Variants in SPMIP4 observed in about 807,000 individuals in gnomAD.
SPMIP4 encodes sperm microtubule inner protein 4.
the SPMIP4 span, among the ~76,000 whole-genome samples, chr7:25,177,483 T>C: frequency 6.8e-6 from 1 of 147,828 alleles, no homozygotes; most frequent in Non-Finnish European, 1.5e-5. Context: ...CTCCGTCTAA[T>C]AAAAAAAAAA....
chr7:25,126,940 A>G, the SPMIP4 span, among the ~76,000 whole-genome samples: 1 of 152,288 alleles, frequency 6.6e-6, no homozygotes, highest in Non-Finnish European at 1.5e-5. Context: ...CATCTGAAGG[A>G]TATTTTCACT....
the SPMIP4 span, among the ~76,000 whole-genome samples, chr7:25,169,397 T>C: frequency 6.6e-6 from 1 of 152,116 alleles, no homozygotes; most frequent in East Asian, 1.9e-4. Flanking sequence ...CCTCACTCTT[T>C]CCCTCGGCAA....
At chr7:25,138,141 T>TA in the SPMIP4 span, among the ~76,000 whole-genome samples, 2 of 152,028 alleles carry the variant, frequency 1.3e-5, no homozygotes, top group African/African-American at 2.4e-5. This position sits in a 1 kb window ranked among gnomAD's most constrained non-coding sequence, Gnocchi z 6.2. Flanking sequence ...GATAATCTTT[T>TA]AAAAAAATTC....
the SPMIP4 span, among the ~76,000 whole-genome samples, chr7:25,167,991 G>T: frequency 6.6e-6 from 1 of 152,052 alleles, no homozygotes; most frequent in Non-Finnish European, 1.5e-5. Context: ...TACAGATTAG[G>T]CCAGGTCTTT....
At chr7:25,177,555 G>C in the SPMIP4 span, among the ~76,000 whole-genome samples, 4 of 152,100 alleles carry the variant, frequency 2.6e-5, no homozygotes, top group African/African-American at 9.7e-5. Flanking sequence ...CACTGTCCAG[G>C]TGTTTTGAGG....
the SPMIP4 span, chr7:25,142,952 G>A: frequency 1.9e-6 from 1 of 529,120 alleles, no homozygotes; most frequent in Non-Finnish European, 3.3e-6. Flanking sequence ...TTAATTACTA[G>A]TTAATTACTA....
the SPMIP4 span, chr7:25,154,987 T>A: frequency 6.3e-7 from 1 of 1,594,060 alleles, no homozygotes; most frequent in Non-Finnish European, 8.6e-7. Flanking sequence ...ATTAATACAG[T>A]TCTGATTCCA....
the SPMIP4 span, among the ~76,000 whole-genome samples, chr7:25,145,152 C>T: frequency 5.9e-5 from 9 of 151,896 alleles, no homozygotes; most frequent in South Asian, 2.1e-4. Flanking sequence ...TAGTAGAGAC[C>T]GGGTTTCACC....
chr7:25,150,120 T>G, the SPMIP4 span, among the ~76,000 whole-genome samples: 1 of 152,160 alleles, frequency 6.6e-6, no homozygotes, highest in Admixed American at 6.5e-5. Context: ...GGGCAGATCC[T>G]GAGGGGTCTC....
At chr7:25,166,403 C>T in the SPMIP4 span, among the ~76,000 whole-genome samples, 450 of 151,788 alleles carry the variant, frequency 3.0e-3, 1 homozygote, top group African/African-American at 0.01. Flanking sequence ...CTGGCTAACA[C>T]GGTGAAACCC....
the SPMIP4 span, chr7:25,180,337 G>T: frequency 6.6e-6 from 1 of 152,334 alleles, no homozygotes. Flanking sequence ...GCGCCGGGTC[G>T]GAGGCGAGAG....
At chr7:25,168,192 G>C in the SPMIP4 span, 1 of 1,026,900 alleles carries the variant, frequency 9.7e-7, no homozygotes, top group Non-Finnish European at 1.4e-6. Flanking sequence ...AGAGAAATAA[G>C]TTTGAAGACA....
chr7:25,125,826 A>C, the SPMIP4 span: 4 of 731,590 alleles, frequency 5.5e-6, no homozygotes, highest in South Asian at 6.2e-5. Context: ...TGGAACCAGG[A>C]GTTACACGAG....
the SPMIP4 span, among the ~76,000 whole-genome samples, chr7:25,168,687 T>C: frequency 6.6e-6 from 1 of 152,018 alleles, no homozygotes; most frequent in Non-Finnish European, 1.5e-5. Flanking sequence ...AGATTATCCT[T>C]TTTTTGGTCA....
At chr7:25,162,300 TA>T in the SPMIP4 span, among the ~76,000 whole-genome samples, 1 of 145,232 alleles carries the variant, frequency 6.9e-6, no homozygotes, top group Middle Eastern at 3.5e-3. Context: ...ATTAAAAAAA[TA>T]AAAAATAAAA....
At chr7:25,137,301 C>CTTTTTTTTTTTTTTTTTT in the SPMIP4 span, among the ~76,000 whole-genome samples, 1 of 127,076 alleles carries the variant, frequency 7.9e-6, no homozygotes, top group East Asian at 2.2e-4. Context: ...GCTGAATTTT[C>CTTTTTTTTTTTTTTTTTT]TTTTTTTTTT....
the SPMIP4 span, among the ~76,000 whole-genome samples, chr7:25,173,973 G>T: frequency 7.9e-5 from 12 of 152,140 alleles, no homozygotes; most frequent in Non-Finnish European, 1.8e-4. The surrounding 1 kb of genome is among the most constrained non-coding windows in gnomAD (Gnocchi z 4.4). Context: ...TCACAGAATT[G>T]TAGAGAAGGA....
the SPMIP4 span, among the ~76,000 whole-genome samples, chr7:25,131,349 T>G: frequency 3.3e-5 from 5 of 152,230 alleles, no homozygotes; most frequent in African/African-American, 1.2e-4. This position sits in a 1 kb window ranked among gnomAD's most constrained non-coding sequence, Gnocchi z 4.2. Context: ...AGAAATAAAG[T>G]GCACAATAAA....
chr7:25,136,392 T>G, the SPMIP4 span: 1 of 1,614,138 alleles, frequency 6.2e-7, no homozygotes, highest in Non-Finnish European at 8.5e-7. This position sits in a 1 kb window ranked among gnomAD's most constrained non-coding sequence, Gnocchi z 5.7. Context: ...AAGGTGTGGG[T>G]TGGGTTTTTA....
Sources: gnomAD v4.1 joint callset for allele counts (sites outside exome capture counted in the v4.1 genomes callset) on GRCh38, gnomAD v4.1.1 for gene constraint, Gnocchi (gnomAD v3.1) non-coding constraint, MANE v1.5 for transcripts, NCBI Gene and HGNC (gene_info 2026-07-23, HGNC 2026-07-21) for gene names.